LRP12: variants seen among roughly 807,000 people sequenced by gnomAD.
The protein encoded by LRP12 is LDL receptor related protein 12.
LRP12 carries 14 observed loss-of-function variants against 66.0 expected under a neutral mutation model. That is an observed-to-expected ratio of 0.21 (90% CI 0.14 to 0.33). LRP12 has a LOEUF of 0.33. Ranked by LOEUF, LRP12 falls within the 10% of genes least tolerant of loss-of-function variation. The pLI is 1.00. For missense variants in LRP12, 889 were observed against 1,053.4 expected (o/e 0.84, Z 2.16); for synonymous variants, 357 against 359.1 (o/e 0.99, Z 0.07).
At chr8:104,544,065 C>G (rs1314463164) in intron 1 of LRP12, among the ~76,000 whole-genome samples, 2 of 152,170 alleles carry the variant, frequency 1.3e-5, no homozygotes, top group Admixed American at 6.5e-5. Context: ...AAAAGTGCAA[C>G]TCCAGTGAAA....
chr8:104,517,349 GAAC>G (rs983369232), intron 2 of LRP12, among the ~76,000 whole-genome samples: 1 of 151,650 alleles, frequency 6.6e-6, no homozygotes, highest in African/African-American at 2.4e-5. Flanking sequence ...GCTTGACTAT[GAAC>G]AAAAGATTTC....
intron 1 of LRP12, among the ~76,000 whole-genome samples, chr8:104,542,283 T>C (rs1811489842): frequency 6.6e-6 from 1 of 152,230 alleles, no homozygotes; most frequent in Admixed American, 6.5e-5. Flanking sequence ...CAGCCACTTA[T>C]GCTATTCTTT....
intron 1 of LRP12, among the ~76,000 whole-genome samples, chr8:104,555,781 T>G (rs983537877): frequency 6.6e-6 from 1 of 151,982 alleles, no homozygotes; most frequent in African/African-American, 2.4e-5. Flanking sequence ...AAAGAAACAA[T>G]GGACTTCAAC....
chr8:104,489,326 CACAG>C lies in LRP12; in HGVS notation c.*1343_*1346del, dbSNP rs960701902. 4 of 152,480 alleles carry C rather than the reference CACAG, an allele frequency of 2.6e-5. No homozygotes were observed. Among genetic ancestry groups the C allele is most frequent in the African/African-American group, 7.2e-5 (3 of 41,430 alleles). 9.4% of individuals were successfully genotyped at this position (152,480 alleles called of 1,614,324 possible). On this transcript the variant is annotated 3_prime_UTR_variant, in exon 7 of 7. Coordinates refer to ENST00000276654, the MANE Select transcript of LRP12 (RefSeq NM_013437.5). ...AGTCAGTTCCTCCTGACAGCATTAA[CACAG>C]ACAAATACACAAGACTTCAAACATG...
chr8:104,530,064 T>C (rs1811302398), intron 2 of LRP12, among the ~76,000 whole-genome samples: 1 of 143,312 alleles, frequency 7.0e-6, no homozygotes, highest in Non-Finnish European at 1.5e-5. Flanking sequence ...CTGTTCTTAT[T>C]GTTTTTTGTT....
chr8:104,548,317 A>C (rs1264136513), intron 1 of LRP12, among the ~76,000 whole-genome samples: 1 of 33,216 alleles, frequency 3.0e-5, no homozygotes, highest in Non-Finnish European at 4.5e-5. Context: ...TATTATATAA[A>C]TATATAATAT....
chr8:104,529,369 CGGGACGTCTTGTTAT>C (rs1381815438), intron 2 of LRP12, among the ~76,000 whole-genome samples: 2 of 152,068 alleles, frequency 1.3e-5, no homozygotes, highest in Non-Finnish European at 1.5e-5. Flanking sequence ...TTACCTAGAA[CGGGACGTCTTGTTAT>C]GGTAGCCCTA....
At position 104,548,356 on chromosome 8, in the gene LRP12, ATAT is replaced by A. The variant is rs1564142271; in HGVS notation, c.80-16396_80-16394del. Among the ~76,000 whole-genome samples, 11 of 56,626 alleles carry A rather than the reference ATAT, an allele frequency of 1.9e-4. 1 individual carries two copies. Among genetic ancestry groups the A allele is most frequent in the African/African-American group, 1.2e-3 (11 of 9,552 alleles). 37.1% of individuals were successfully genotyped at this position (56,626 alleles called of 152,430 possible). A position where few individuals can be genotyped will look rare whatever the true frequency, so the allele number is the denominator to read the frequency against. On this transcript the variant is annotated intron_variant, in intron 1 of 6. Transcript: ENST00000276654. ...TTATATAAATATATAAATATATAATATATATTATATAAATATATTATATAAATA... is the reference window on the plus strand; with the variant it reads ...TTATATAAATATATAAATATATAATAATTATATAAATATATTATATAAATA...
chr8:104,518,017 T>G (rs1369915951), intron 2 of LRP12, among the ~76,000 whole-genome samples: 2 of 152,100 alleles, frequency 1.3e-5, no homozygotes, highest in African/African-American at 2.4e-5. Flanking sequence ...GTTAGATGAT[T>G]AGCATAAAAA....
chr8:104,491,604 A>AC, intron 6 of LRP12, 65 bp from the exon 7 acceptor site: 1 of 1,283,470 alleles, frequency 7.8e-7, no homozygotes, highest in Non-Finnish European at 1.1e-6. Flanking sequence ...AAAAAAAAAA[A>AC]ACACCCTTCT....
intron 1 of LRP12, among the ~76,000 whole-genome samples, chr8:104,562,655 G>C (rs73295180): frequency 0.012 from 1,854 of 152,122 alleles, 35 homozygotes; most frequent in African/African-American, 0.042. Context: ...TTCTCTGACT[G>C]CTTTTGAAGT....
intron 1 of LRP12, among the ~76,000 whole-genome samples, chr8:104,553,576 A>AG (rs1485537306): frequency 6.6e-6 from 1 of 152,128 alleles, no homozygotes; most frequent in Non-Finnish European, 1.5e-5. Context: ...TCCCCACAGC[A>AG]GCTGCAGCAA....
At chr8:104,541,020 C>T (rs949464914) in intron 1 of LRP12, among the ~76,000 whole-genome samples, 1 of 152,210 alleles carries the variant, frequency 6.6e-6, no homozygotes, top group African/African-American at 2.4e-5. Context: ...GCGTGAGCCA[C>T]CGCGCCCGGC....
chr8:104,496,202 T>C (rs1186927295), intron 5 of LRP12: 1 of 152,220 alleles, frequency 6.6e-6, no homozygotes, highest in Non-Finnish European at 1.5e-5. Context: ...CTGAGAACTC[T>C]GAAGTGCTGT....
chr8:104,529,433 C>T (rs1811293272), intron 2 of LRP12, among the ~76,000 whole-genome samples: 1 of 151,932 alleles, frequency 6.6e-6, no homozygotes, highest in South Asian at 2.1e-4. Context: ...ATCTGAAATT[C>T]AGAAGAAAAA....
At chr8:104,501,687 G>C (rs1374566936) in intron 3 of LRP12, among the ~76,000 whole-genome samples, 3 of 145,606 alleles carry the variant, frequency 2.1e-5, no homozygotes, top group African/African-American at 7.7e-5. Flanking sequence ...CTGGGCGACA[G>C]AGCAAGACTC....
At chr8:104,543,511 G>A (rs549294899) in intron 1 of LRP12, among the ~76,000 whole-genome samples, 28 of 151,934 alleles carry the variant, frequency 1.8e-4, no homozygotes, top group Non-Finnish European at 1.8e-4. Context: ...CCCTCTCCTC[G>A]GGCCTCCCTC....
chr8:104,580,135 A>C (rs903486936), intron 1 of LRP12, among the ~76,000 whole-genome samples: 1 of 152,206 alleles, frequency 6.6e-6, no homozygotes, highest in Non-Finnish European at 1.5e-5. Flanking sequence ...CAACAGAGTG[A>C]ATAGGCTACC....
At chr8:104,521,149 G>A (rs1811143142) in intron 2 of LRP12, among the ~76,000 whole-genome samples, 1 of 151,396 alleles carries the variant, frequency 6.6e-6, no homozygotes, top group South Asian at 2.1e-4. Context: ...TTCAAATTCT[G>A]GAATATGTAC....
Sources: gnomAD v4.1 joint callset for allele counts (sites outside exome capture counted in the v4.1 genomes callset) on GRCh38, gnomAD v4.1.1 for gene constraint, MANE v1.5 for transcripts, NCBI Gene and HGNC (gene_info 2026-07-23, HGNC 2026-07-21) for gene names.